DERA: variants seen among roughly 807,000 people sequenced by gnomAD.
DERA encodes 2-deoxy-D-ribose 5-phosphate aldolase.
Under a neutral mutation model 41.1 loss-of-function variants are expected in DERA, and 15 were observed. The observed-to-expected ratio is 0.37, with a 90% confidence interval of 0.24 to 0.56. The LOEUF (loss-of-function observed/expected upper bound fraction) is 0.56. Among genes scored for constraint, DERA ranks in the 20% least tolerant of loss-of-function variants. The pLI is 0.81. For synonymous variants in DERA, 139 were observed against 137.4 expected, an observed-to-expected ratio of 1.01 and a Z score of -0.08; for missense variants, 396 against 403.4, an observed-to-expected ratio of 0.98 and a Z score of 0.16.
chr12:15,935,856 G>A lies in DERA; in HGVS notation c.32-21080G>A, dbSNP rs567893521. On this transcript the variant is annotated intron_variant, in intron 1 of 8. Coordinates refer to ENST00000428559, the MANE Select transcript of DERA (RefSeq NM_015954.4). The surrounding 1 kb of genome is among the most constrained non-coding windows in gnomAD (Gnocchi z 4.8). ...CTTAGCTGGGTGGTTCTGGCTTGGG[G>A]TCTCTCATGAGGTTGCAATCAAGTT... Among the ~76,000 whole-genome samples the A allele has an allele frequency of 2.8e-4, 42 of 152,252 alleles. No individual in the cohort carries two copies. Among genetic ancestry groups the A allele is most frequent in the Non-Finnish European group, 5.1e-4 (35 of 68,008 alleles).
Position 15,911,968 on chromosome 12 carries a change from T to A in DERA, c.31+554T>A, listed in dbSNP as rs1948167204. Among the ~76,000 whole-genome samples, 2 of 152,150 alleles carry A rather than the reference T, an allele frequency of 1.3e-5. No homozygotes were observed. The highest frequency in any genetic ancestry group is 4.8e-5 in the African/African-American group (2 of 41,450). ...AAGTACCTGTATTATTTCCCAGTTT[T>A]CATCTTTTTTTATATTGTTCAAATA... On this transcript the variant is annotated intron_variant, in intron 1 of 8. Coordinates refer to ENST00000428559, the MANE Select transcript of DERA (RefSeq NM_015954.4). The surrounding 1 kb of genome is among the most constrained non-coding windows in gnomAD (Gnocchi z 4.5).
At chr12:15,969,450 A>G (rs1948645450) in intron 5 of DERA, among the ~76,000 whole-genome samples, 2 of 152,168 alleles carry the variant, frequency 1.3e-5, no homozygotes, top group South Asian at 2.1e-4. Context: ...CGTAGTTCCA[A>G]AGGTGGCTAG....
chr12:15,955,126 C>A (rs1948528239), intron 1 of DERA, among the ~76,000 whole-genome samples: 1 of 151,950 alleles, frequency 6.6e-6, no homozygotes, highest in Non-Finnish European at 1.5e-5. Context: ...ATGGTGAAAC[C>A]CTGTCTCTAT....
At chr12:15,947,807 C>T (rs1417126394) in intron 1 of DERA, among the ~76,000 whole-genome samples, 2 of 152,132 alleles carry the variant, frequency 1.3e-5, no homozygotes, top group South Asian at 2.1e-4. Context: ...CTAGCATTGA[C>T]GGTCTTTACA....
intron 4 of DERA, among the ~76,000 whole-genome samples, chr12:15,962,051 A>G (rs1361107522): frequency 1.3e-5 from 2 of 152,158 alleles, no homozygotes; most frequent in Non-Finnish European, 2.9e-5. Flanking sequence ...GCCCCAAGGA[A>G]TTTAATATCA....
intron 1 of DERA, among the ~76,000 whole-genome samples, chr12:15,956,378 T>C (rs562928183): frequency 6.6e-6 from 1 of 152,374 alleles, no homozygotes; most frequent in African/African-American, 2.4e-5. Flanking sequence ...ACTTCTGTTA[T>C]ATCAGTCAAT....
rs1217449851 is a variant in DERA at position 16,000,468 on chromosome 12, T to C, written c.637+18032T>C. ...TAGTGATTCAGGAGGAAAAGGAAAT[T>C]CATGCTTTTACTTGAATTATCAGGA... On this transcript the variant is annotated intron_variant, in intron 6 of 8. Coordinates refer to ENST00000428559, the MANE Select transcript of DERA (RefSeq NM_015954.4). This position sits in a 1 kb window ranked among gnomAD's most constrained non-coding sequence, Gnocchi z 4.8. Among the ~76,000 whole-genome samples, 2 of 152,216 alleles carry C rather than the reference T, an allele frequency of 1.3e-5. No homozygotes were observed.
rs1004485708 is a variant in DERA, at chr12:15,996,809, G to A, written c.637+14373G>A. The stretch of plus-strand genomic sequence containing the variant: ...TCAAACCCAGCAAACTTGAATTCAG[G>A]TACAAAAGATTGATTTTTCCCTCTC... On this transcript the variant is annotated intron_variant, in intron 6 of 8. Coordinates refer to ENST00000428559, the MANE Select transcript of DERA (RefSeq NM_015954.4). This position sits in a 1 kb window ranked among gnomAD's most constrained non-coding sequence, Gnocchi z 4.7. Among the ~76,000 whole-genome samples, 1 of 152,122 alleles carries A rather than the reference G, an allele frequency of 6.6e-6. No homozygotes were observed. Among genetic ancestry groups the A allele is most frequent in the Non-Finnish European group, 1.5e-5 (1 of 68,022 alleles).
At chr12:16,030,678 C>T (rs1176451028) in intron 6 of DERA, among the ~76,000 whole-genome samples, 2 of 152,310 alleles carry the variant, frequency 1.3e-5, no homozygotes, top group African/African-American at 4.8e-5. Context: ...CACTCTCTAT[C>T]TCATTACATT....
rs758318895 is a variant in DERA at position 15,990,725 on chromosome 12, A to G, written c.637+8289A>G. ...GTATTTGGTTTTCTGTTCCCGTGTT[A>G]GTTTGCTAAGGATAATGGCCTCCAG... is the stretch of plus-strand genomic sequence containing the variant. On this transcript the variant is annotated intron_variant, in intron 6 of 8. Coordinates refer to ENST00000428559, the MANE Select transcript of DERA (RefSeq NM_015954.4). The surrounding 1 kb of genome is among the most constrained non-coding windows in gnomAD (Gnocchi z 4.3). Among the ~76,000 whole-genome samples, 5 of 152,124 alleles carry G rather than the reference A, an allele frequency of 3.3e-5. No homozygotes were observed. Among genetic ancestry groups the G allele is most frequent in the African/African-American group, 4.8e-5 (2 of 41,430 alleles).
intron 1 of DERA, among the ~76,000 whole-genome samples, chr12:15,946,564 T>C (rs1948450448): frequency 6.6e-6 from 1 of 152,286 alleles, no homozygotes; most frequent in East Asian, 1.9e-4. Context: ...TCTGTGGGAT[T>C]GGTGGTGATA....
At chr12:16,029,516 ACAAGATTATTTTCCCTTCTT>A (rs1383237213) in intron 6 of DERA, among the ~76,000 whole-genome samples, 2 of 152,188 alleles carry the variant, frequency 1.3e-5, no homozygotes, top group Non-Finnish European at 2.9e-5. Flanking sequence ...GGAATGAAAC[ACAAGATTATTTTCCCTTCTT>A]CATTAGTCAG....
In DERA at chr12:15,984,658, CT is replaced by C. The variant is rs1447116263; in HGVS notation, c.637+2227del. ...TGGTCTTCTGGCTCCAGATTTATTG[CT>C]TTTTCACTTGTAACATGGCTATTTC... On this transcript the variant is annotated intron_variant, in intron 6 of 8. Coordinates refer to ENST00000428559, the MANE Select transcript of DERA (RefSeq NM_015954.4). This position sits in a 1 kb window ranked among gnomAD's most constrained non-coding sequence, Gnocchi z 4.5. Among the ~76,000 whole-genome samples the C allele has an allele frequency of 2.6e-5, 4 of 152,002 alleles. No individual in the cohort carries two copies. Among genetic ancestry groups the C allele is most frequent in the African/African-American group, 7.3e-5 (3 of 41,368 alleles).
intron 5 of DERA, among the ~76,000 whole-genome samples, chr12:15,979,464 T>G (rs111644216): frequency 2.6e-5 from 4 of 152,360 alleles, no homozygotes; most frequent in African/African-American, 9.6e-5. Flanking sequence ...AAGGCCTGAG[T>G]AGAAGCAATC....
At chr12:16,032,035 A>G (rs182930614) in intron 6 of DERA, among the ~76,000 whole-genome samples, 24 of 152,322 alleles carry the variant, frequency 1.6e-4, no homozygotes, top group African/African-American at 5.8e-4. Flanking sequence ...TGGAAATGCT[A>G]ATCTGGTTGG....
chr12:15,934,515 G>A (rs1044853170), intron 1 of DERA, among the ~76,000 whole-genome samples: 1 of 151,996 alleles, frequency 6.6e-6, no homozygotes, highest in African/African-American at 2.4e-5. Context: ...GAACCTGGGA[G>A]GAGGAGGAGG....
In DERA at chr12:15,928,916, C is replaced by T. The variant is rs567932117; in HGVS notation, c.31+17502C>T. Among the ~76,000 whole-genome samples, 90 of 152,302 alleles carry T rather than the reference C, an allele frequency of 5.9e-4. No homozygotes were observed. The highest frequency in any genetic ancestry group is 2.1e-3 in the African/African-American group (89 of 41,568). On this transcript the variant is annotated intron_variant, in intron 1 of 8. Coordinates refer to ENST00000428559, the MANE Select transcript of DERA (RefSeq NM_015954.4). This position sits in a 1 kb window ranked among gnomAD's most constrained non-coding sequence, Gnocchi z 4.6. ...CATGGTTTTTGTACACTTGACCTTA[C>T]TTTTCTCAGCCTTCTAGATCTGTAG...
intron 1 of DERA, among the ~76,000 whole-genome samples, chr12:15,946,839 T>A (rs567884814): frequency 7.8e-4 from 119 of 152,338 alleles, no homozygotes; most frequent in Non-Finnish European, 1.4e-3. Context: ...TTTAGATCTT[T>A]CCTGCTTTTT....
chr12:15,928,689 GAGA>G lies in DERA; in HGVS notation c.31+17280_31+17282del, dbSNP rs139527740. Among the ~76,000 whole-genome samples the G allele has an allele frequency of 0.015, 2,258 of 152,300 alleles. 52 individuals carry two copies. The highest frequency in any genetic ancestry group is 0.052 in the African/African-American group (2,165 of 41,554). ...GTTTCCCCTATTAAAAGCTGTCTGG[GAGA>G]AGAATAGAAAATTCGGCTCTCACTA... On this transcript the variant is annotated intron_variant, in intron 1 of 8. Coordinates refer to ENST00000428559, the MANE Select transcript of DERA (RefSeq NM_015954.4). This position sits in a 1 kb window ranked among gnomAD's most constrained non-coding sequence, Gnocchi z 4.6.
Sources: gnomAD v4.1 joint callset for allele counts (sites outside exome capture counted in the v4.1 genomes callset) on GRCh38, gnomAD v4.1.1 for gene constraint, Gnocchi (gnomAD v3.1) non-coding constraint, MANE v1.5 for transcripts, NCBI Gene and HGNC (gene_info 2026-07-23, HGNC 2026-07-21) for gene names.